Variants in SMC6 observed in about 807,000 individuals in gnomAD.
SMC6 encodes structural maintenance of chromosomes 6.
Under a neutral mutation model 142.2 loss-of-function variants are expected in SMC6, and 79 were observed. The observed-to-expected ratio is 0.56, with a 90% confidence interval of 0.46 to 0.67. SMC6 has a LOEUF of 0.67. Ranked by LOEUF, SMC6 falls within the 30% of genes least tolerant of loss-of-function variation. The probability of loss-of-function intolerance (pLI) is 0.00; values close to 1 mark genes in which losing one functional copy is unlikely to be tolerated. For missense variants in SMC6, 1,072 were observed against 1,284.0 expected (o/e 0.83, Z 2.52); for synonymous variants, 411 against 412.4 (o/e 1.00, Z 0.04).
intron 26 of SMC6, among the ~76,000 whole-genome samples, chr2:17,668,812 CA>C (rs1666621526): frequency 6.6e-6 from 1 of 152,226 alleles, no homozygotes; most frequent in East Asian, 1.9e-4. Context: ...CTGAAAAAAG[CA>C]GGCAGGTACG....
intron 9 of SMC6, among the ~76,000 whole-genome samples, chr2:17,721,699 C>CA (rs1669381346): frequency 7.0e-6 from 1 of 142,568 alleles, no homozygotes. Context: ...ACTAAGTTCA[C>CA]TTTTTTTTTT....
At chr2:17,744,363 G>A (rs978085216) in intron 3 of SMC6, among the ~76,000 whole-genome samples, 1 of 152,080 alleles carries the variant, frequency 6.6e-6, no homozygotes, top group East Asian at 1.9e-4. Flanking sequence ...GAATTTTAAC[G>A]TCCATGTGTT....
At chr2:17,722,202 A>G (rs1230407116) in intron 9 of SMC6, among the ~76,000 whole-genome samples, 1 of 152,060 alleles carries the variant, frequency 6.6e-6, no homozygotes, top group Non-Finnish European at 1.5e-5. Context: ...TCCAGCTTAG[A>G]CAATTAGAAG....
At chr2:17,730,394 T>C (rs1330147875) in intron 7 of SMC6, among the ~76,000 whole-genome samples, 1 of 130,908 alleles carries the variant, frequency 7.6e-6, no homozygotes, top group Non-Finnish European at 1.6e-5. Flanking sequence ...TAAACACTCA[T>C]CCAGAAAAAA....
intron 7 of SMC6, among the ~76,000 whole-genome samples, chr2:17,728,425 C>A (rs765474045): frequency 1.3e-4 from 19 of 151,942 alleles, no homozygotes; most frequent in Non-Finnish European, 2.9e-5. Context: ...CAGAGTGAGA[C>A]CCTGTCCCAA....
chr2:17,746,960 T>G (rs1572368245), intron 2 of SMC6, among the ~76,000 whole-genome samples: 2 of 152,192 alleles, frequency 1.3e-5, no homozygotes, highest in East Asian at 3.9e-4. Flanking sequence ...CTCCATACCA[T>G]GTATATACCT....
chr2:17,742,902 T>G (rs992167033), intron 3 of SMC6, among the ~76,000 whole-genome samples: 1 of 152,160 alleles, frequency 6.6e-6, no homozygotes, highest in African/African-American at 2.4e-5. Flanking sequence ...ATTTCCATCA[T>G]CACCAGGATC....
intron 23 of SMC6, among the ~76,000 whole-genome samples, chr2:17,687,022 T>C (rs1189101930): frequency 1.3e-5 from 2 of 152,212 alleles, no homozygotes; most frequent in Non-Finnish European, 2.9e-5. Context: ...CTCATCTATA[T>C]GCCAATATTC....
At chr2:17,670,687 A>G in intron 25 of SMC6, 112 bp from the exon 26 acceptor site, 1 of 1,089,616 alleles carries the variant, frequency 9.2e-7, no homozygotes, top group Non-Finnish European at 1.3e-6. Flanking sequence ...AGATGGGAAT[A>G]AAATGACTTA....
chr2:17,682,382 AC>A (rs1425633875), intron 24 of SMC6, among the ~76,000 whole-genome samples: 4 of 152,126 alleles, frequency 2.6e-5, no homozygotes, highest in African/African-American at 9.7e-5. Context: ...ACTGCTCTTC[AC>A]CGACAGAGGA....
chr2:17,749,926 G>C (rs1274463101), intron 2 of SMC6, among the ~76,000 whole-genome samples: 1 of 152,134 alleles, frequency 6.6e-6, no homozygotes, highest in African/African-American at 2.4e-5. Flanking sequence ...TTCTGAATCT[G>C]CCCTGGCCTG....
intron 2 of SMC6, among the ~76,000 whole-genome samples, chr2:17,747,108 G>A (rs1280154185): frequency 6.6e-6 from 1 of 152,118 alleles, no homozygotes; most frequent in Non-Finnish European, 1.5e-5. Flanking sequence ...CATGATAATG[G>A]TGTCAGCGGA....
chr2:17,729,949 TAAACCA>T (rs928207387), intron 7 of SMC6, among the ~76,000 whole-genome samples: 21 of 152,240 alleles, frequency 1.4e-4, no homozygotes, highest in African/African-American at 5.1e-4. Flanking sequence ...CCCTCTGTTC[TAAACCA>T]AACTGGAAAA....
At chr2:17,719,040 A>C (rs1056006930) in intron 11 of SMC6, among the ~76,000 whole-genome samples, 1 of 152,186 alleles carries the variant, frequency 6.6e-6, no homozygotes, top group African/African-American at 2.4e-5. Flanking sequence ...GACTGATTAG[A>C]AGGAACAAAT....
Position 17,720,979 on chromosome 2 carries a change from ATCT to A in SMC6, c.903_905del (p.Glu301del), listed in dbSNP as rs1434871014. On this transcript the variant is annotated inframe_deletion, in exon 11 of 28. Coordinates refer to ENST00000448223, the MANE Select transcript of SMC6 (RefSeq NM_001142286.2). ...TTTTCCTGTCAAGTCTAGCAGCACG[ATCT>A]TCTCCAATTTTGATATTATCTCTGA... is the stretch of plus-strand genomic sequence containing the variant. The A allele has an allele frequency of 1.2e-6, 2 of 1,613,712 alleles. No individual in the cohort carries two copies. The highest frequency in any genetic ancestry group is 1.7e-6 in the Non-Finnish European group (2 of 1,179,900).
intron 23 of SMC6, among the ~76,000 whole-genome samples, chr2:17,692,736 A>G (rs1156976873): frequency 6.6e-6 from 1 of 152,246 alleles, no homozygotes; most frequent in Non-Finnish European, 1.5e-5. Flanking sequence ...GCTTCTGCAC[A>G]GCAAAAGAAA....
rs1016679216 is a variant in SMC6, at chr2:17,696,400, T to G, written c.2421A>C (p.Glu807Asp). Reference protein sequence around the residue: ...LKDELNLADSEVDNQKRGKRH... With the variant: ...LKDELNLADSDVDNQKRGKRH... ...GTTTCCCTCGTTTTTGGTTATCCAC[T>G]TCAGAATCAGCAAGGTTTAATTCAT... The change falls in exon 22 of 28, where the codon GAA becomes GAC. Residue 807 changes from glutamate to aspartate, a missense_variant. Physicochemically the swap from Glu to Asp is conservative, Grantham distance 45. This residue lies in a region of SMC6 where 994 missense variants were observed against 1,153.2 expected (regional missense o/e 0.86). Coordinates refer to ENST00000448223, the MANE Select transcript of SMC6 (RefSeq NM_001142286.2). The G allele has an allele frequency of 6.2e-7, 1 of 1,610,200 alleles. No individual in the cohort carries two copies. The highest frequency in any genetic ancestry group is 1.7e-5 in the Admixed American group (1 of 58,896).
At chr2:17,722,606 C>T (rs185688515) in intron 9 of SMC6, among the ~76,000 whole-genome samples, 1 of 152,274 alleles carries the variant, frequency 6.6e-6, no homozygotes, top group East Asian at 1.9e-4. Flanking sequence ...GTTTTCACTG[C>T]TACTGAAACC....
chr2:17,738,143 T>C, intron 5 of SMC6, 78 bp downstream of exon 5: 1 of 1,045,870 alleles, frequency 9.6e-7, no homozygotes, highest in Non-Finnish European at 1.4e-6. Flanking sequence ...TCCAGTCATG[T>C]CTATGTGAAC....
Sources: gnomAD v4.1 joint callset for allele counts (sites outside exome capture counted in the v4.1 genomes callset) on GRCh38, gnomAD v4.1.1 for gene constraint, gnomAD v4.1.1 regional missense constraint, MANE v1.5 for transcripts, NCBI Gene and HGNC (gene_info 2026-07-23, HGNC 2026-07-21) for gene names.